The following LPAR1 variants were observed in gnomAD, a reference collection of about 807,000 sequenced individuals.
The protein encoded by LPAR1 is lysophosphatidic acid receptor 1.
Under a neutral mutation model 23.8 loss-of-function variants are expected in LPAR1, and 5 were observed. That is an observed-to-expected ratio of 0.21 (90% CI 0.11 to 0.44). The LOEUF (loss-of-function observed/expected upper bound fraction) is 0.44, where lower values mean the gene tolerates loss of function less well. LPAR1 is among the 20% of genes least tolerant of loss of function. The pLI is 0.99. For synonymous variants in LPAR1, 160 were observed against 164.7 expected (o/e 0.97, Z 0.22); for missense variants, 311 against 482.8 (o/e 0.64, Z 3.33).
At chr9:110,898,119 TG>T in intron 5 of LPAR1, among the ~76,000 whole-genome samples, 1 of 152,304 alleles carries the variant, frequency 6.6e-6, no homozygotes, top group South Asian at 2.1e-4. Context: ...GGGAATCCAG[TG>T]AAAGCCATGG....
At chr9:110,894,585 T>A (rs1326892) in intron 5 of LPAR1, among the ~76,000 whole-genome samples, 24,963 of 152,244 alleles carry the variant, frequency 0.16, 2,613 homozygotes, top group Admixed American at 0.24. Flanking sequence ...AGTGGGAAGC[T>A]GTATTCCCTA....
intron 1 of LPAR1, among the ~76,000 whole-genome samples, chr9:111,037,300 C>A (rs1034557129): frequency 5.3e-4 from 81 of 152,284 alleles, no homozygotes; most frequent in African/African-American, 1.9e-3. Flanking sequence ...CAAGCCAGCA[C>A]CCACATTTAT....
rs150261134 is a variant in LPAR1 at position 110,965,138 on chromosome 9, G to T, written c.45+6935C>A. Among the ~76,000 whole-genome samples, 406 of 152,110 alleles carry T rather than the reference G, an allele frequency of 2.7e-3. 5 individuals are homozygous for T. The highest frequency in any genetic ancestry group is 9.5e-3 in the African/African-American group (396 of 41,488). Reference sequence around the variant, plus strand: ...CAGTCTCAACCTCCCAAAGTGCTGGGATTATAGGTGTGAGCCACAGCACCC... The same window carrying T: ...CAGTCTCAACCTCCCAAAGTGCTGGTATTATAGGTGTGAGCCACAGCACCC... On this transcript the variant is annotated intron_variant, in intron 4 of 5. Coordinates refer to ENST00000683809, the MANE Select transcript of LPAR1 (RefSeq NM_001351411.2).
intron 5 of LPAR1, among the ~76,000 whole-genome samples, chr9:110,917,564 T>C (rs2093281728): frequency 6.6e-6 from 1 of 152,124 alleles, no homozygotes; most frequent in South Asian, 2.1e-4. Flanking sequence ...TGAGAAATGA[T>C]ATGGCATGAC....
intron 2 of LPAR1, among the ~76,000 whole-genome samples, chr9:110,978,017 A>T (rs1437242845): frequency 1.3e-5 from 2 of 152,214 alleles, no homozygotes; most frequent in African/African-American, 2.4e-5. Context: ...GGCAAATAGA[A>T]CACATTGTGG....
At position 110,972,234 on chromosome 9, in the gene LPAR1, G is replaced by A. The variant is rs912888147; in HGVS notation, c.-103-14C>T. On this transcript the variant is annotated splice_polypyrimidine_tract_variant and intron_variant, in intron 3 of 5. Transcript: ENST00000683809. ...GAAGCTGTGTACCTGGAAAACAACA[G>A]GAAAACCCACATTTAGCATAAAAGG... The A allele has an allele frequency of 8.0e-6, 7 of 875,360 alleles. No individual in the cohort carries two copies. The Admixed American group carries it at 1.1e-4, about 14-fold the overall frequency. The allele number at this position is 875,360 out of a possible 1,614,324, so 54.2% of individuals were successfully genotyped here.
At chr9:110,883,078 C>T (rs1399392504) in intron 5 of LPAR1, among the ~76,000 whole-genome samples, 2 of 152,140 alleles carry the variant, frequency 1.3e-5, no homozygotes, top group Non-Finnish European at 2.9e-5. Context: ...CTCACTCTGT[C>T]ATCCAGGCTG....
intron 2 of LPAR1, among the ~76,000 whole-genome samples, chr9:111,006,885 TC>T (rs1434019298): frequency 6.6e-6 from 1 of 152,068 alleles, no homozygotes; most frequent in Non-Finnish European, 1.5e-5. Context: ...TGAAATGTAA[TC>T]CCCAGTGTTA....
At chr9:110,967,124 G>C (rs1488092033) in intron 4 of LPAR1, among the ~76,000 whole-genome samples, 2 of 152,144 alleles carry the variant, frequency 1.3e-5, no homozygotes, top group Non-Finnish European at 2.9e-5. Flanking sequence ...TTCAGTGTCT[G>C]GACCAGCAGA....
intron 2 of LPAR1, among the ~76,000 whole-genome samples, chr9:110,988,649 GT>G (rs34557495): frequency 0.65 from 98,860 of 151,914 alleles, 32,590 homozygotes; most frequent in Admixed American, 0.71. Context: ...ACAAGTGTTG[GT>G]TAAGAATGTG....
At chr9:110,938,737 G>A (rs2094895608) in intron 5 of LPAR1, among the ~76,000 whole-genome samples, 1 of 151,950 alleles carries the variant, frequency 6.6e-6, no homozygotes, top group Admixed American at 6.6e-5. Flanking sequence ...AGCTGGGTGT[G>A]GTGGTATGCA....
chr9:110,925,915 T>C (rs184840436), intron 5 of LPAR1, among the ~76,000 whole-genome samples: 2 of 151,074 alleles, frequency 1.3e-5, no homozygotes, highest in Non-Finnish European at 3.0e-5. Context: ...TCAGAACTGG[T>C]TTTTTTTTGT....
At position 111,030,037 on chromosome 9, in the gene LPAR1, C is replaced by T. The variant is rs550696362; in HGVS notation, c.-182+6085G>A. 2.4e-5 allele frequency among the ~76,000 whole-genome samples: 3 copies of T among 123,304 alleles called. No homozygotes were observed. The East Asian group carries it at 7.5e-4, about 31-fold the overall frequency. The allele number at this position is 123,304 out of a possible 152,430, so 80.9% of individuals were successfully genotyped here. ...CTCCAGCCTGGGCAATAAAGTGAGG[C>T]TCTGCCTCAAAAAAAAAAAAAAAAA... On this transcript the variant is annotated intron_variant, in intron 2 of 5. Coordinates refer to ENST00000683809, the MANE Select transcript of LPAR1 (RefSeq NM_001351411.2).
intron 4 of LPAR1, among the ~76,000 whole-genome samples, chr9:110,962,287 G>A (rs985109993): frequency 2.0e-5 from 3 of 152,122 alleles, no homozygotes; most frequent in Non-Finnish European, 4.4e-5. Flanking sequence ...CTGTGCCATT[G>A]AGCTGGGATG....
chr9:111,004,871 C>A (rs934653090), intron 2 of LPAR1, among the ~76,000 whole-genome samples: 2 of 152,158 alleles, frequency 1.3e-5, no homozygotes, highest in African/African-American at 2.4e-5. Context: ...AGATTCAAAT[C>A]CATTCTTGGT....
chr9:111,034,241 C>T (rs1037568416), intron 2 of LPAR1, among the ~76,000 whole-genome samples: 5 of 152,176 alleles, frequency 3.3e-5, no homozygotes, highest in East Asian at 1.9e-4. Context: ...GCATTAATGC[C>T]GGTTTCAAAC....
chr9:111,034,410 A>G (rs1351724122), intron 2 of LPAR1, among the ~76,000 whole-genome samples: 3 of 152,152 alleles, frequency 2.0e-5, no homozygotes, highest in African/African-American at 7.2e-5. Context: ...AGAGAGGGGA[A>G]AAAAAATGTT....
intron 2 of LPAR1, among the ~76,000 whole-genome samples, chr9:110,980,301 TA>T (rs1012895215): frequency 1.3e-5 from 2 of 151,698 alleles, no homozygotes; most frequent in African/African-American, 4.8e-5. Flanking sequence ...AAAAAGAAGT[TA>T]AAAAAAATCT....
At chr9:111,005,625 C>T (rs2097205517) in intron 2 of LPAR1, among the ~76,000 whole-genome samples, 1 of 150,122 alleles carries the variant, frequency 6.7e-6, no homozygotes, top group Admixed American at 6.6e-5. Context: ...TTGTACATTC[C>T]CCAAGACCTC....
Sources: gnomAD v4.1 joint callset for allele counts (sites outside exome capture counted in the v4.1 genomes callset) on GRCh38, gnomAD v4.1.1 for gene constraint, MANE v1.5 for transcripts, NCBI Gene and HGNC (gene_info 2026-07-23, HGNC 2026-07-21) for gene names.